The following TUBGCP5 variants were observed in gnomAD, a reference collection of about 807,000 sequenced individuals.
TUBGCP5 encodes the protein tubulin gamma complex component 5, also known as gamma-tubulin complex component 5.
A neutral mutation model predicts 134.7 loss-of-function variants in TUBGCP5; 98 were observed. The ratio of observed to expected loss-of-function variants is 0.73; its 90% CI spans 0.62 to 0.86. The LOEUF is 0.86. Ranked by LOEUF, TUBGCP5 falls within the 40% of genes least tolerant of loss-of-function variation. TUBGCP5 has a pLI of 0.00. For synonymous variants in TUBGCP5, 456 were observed against 431.4 expected, an observed-to-expected ratio of 1.06 and a Z score of -0.71; for missense variants, 1,150 against 1,244.8, an observed-to-expected ratio of 0.92 and a Z score of 1.15.
intron 23 of TUBGCP5, among the ~76,000 whole-genome samples, chr15:22,984,513 C>G (rs62009539): frequency 0.074 from 11,172 of 151,896 alleles, 478 homozygotes; most frequent in East Asian, 0.16. Flanking sequence ...CCAGCTACCC[C>G]GGGGGCTGAG....
At chr15:23,016,986 A>ATATATATATG (rs373904143) in intron 13 of TUBGCP5, among the ~76,000 whole-genome samples, 35 of 138,266 alleles carry the variant, frequency 2.5e-4, no homozygotes, top group South Asian at 4.7e-4. Flanking sequence ...ATATATATAT[A>ATATATATATG]TGTATATATC....
rs1415855464 is a variant in TUBGCP5, at chr15:23,013,483, C to G, written c.1757-2152G>C. Among the ~76,000 whole-genome samples the G allele has an allele frequency of 6.6e-6, 1 of 151,996 alleles. No homozygotes were observed. Among genetic ancestry groups the G allele is most frequent in the Non-Finnish European group, 1.5e-5 (1 of 67,966 alleles). On this transcript the variant is annotated intron_variant, in intron 13 of 22. Transcript: ENST00000615383. The surrounding 1 kb of genome is among the most constrained non-coding windows in gnomAD (Gnocchi z 4.5). The stretch of plus-strand genomic sequence containing the variant: ...TCCGACTGGAGTTGAAGGGCGAGTG[C>G]TGGAGTGCAGAGGGGGAATGTGACA...
At chr15:23,015,399 T>TG (rs148019435) in intron 13 of TUBGCP5, among the ~76,000 whole-genome samples, 4,913 of 143,698 alleles carry the variant, frequency 0.034, 280 homozygotes, top group African/African-American at 0.12. Context: ...CCCAATACTT[T>TG]GGGAGGCCGA....
At chr15:22,993,439 C>T (rs1485370025) in intron 23 of TUBGCP5, among the ~76,000 whole-genome samples, 1 of 150,976 alleles carries the variant, frequency 6.6e-6, no homozygotes, top group East Asian at 1.9e-4. Context: ...TACTCTGCCG[C>T]CCAGGCTGGA....
intron 23 of TUBGCP5, among the ~76,000 whole-genome samples, chr15:22,993,806 A>C (rs1168501459): frequency 6.6e-6 from 1 of 151,158 alleles, no homozygotes; most frequent in East Asian, 2.0e-4. Context: ...CGGCCTCCCA[A>C]AGTGTTGGGA....
rs1298563965 is a variant in TUBGCP5, at chr15:23,013,245, G to T, written c.1757-1914C>A. Among the ~76,000 whole-genome samples the T allele has an allele frequency of 1.3e-5, 2 of 151,902 alleles. No homozygotes were observed. Among genetic ancestry groups the T allele is most frequent in the African/African-American group, 2.4e-5 (1 of 41,346 alleles). ...AGGCGGGCGGATCATGAGGTCAGGG[G>T]ATCGAGACCATACTGGCTAGTATGG... On this transcript the variant is annotated intron_variant, in intron 13 of 22. Coordinates refer to ENST00000615383, the MANE Select transcript of TUBGCP5 (RefSeq NM_052903.6). This position sits in a 1 kb window ranked among gnomAD's most constrained non-coding sequence, Gnocchi z 4.5.
intron 12 of TUBGCP5, 139 bp downstream of exon 12, chr15:23,019,080 T>G: frequency 1.8e-6 from 1 of 551,158 alleles, no homozygotes. Flanking sequence ...AGATAGAACT[T>G]GCCTATGATG....
intron 23 of TUBGCP5, among the ~76,000 whole-genome samples, chr15:22,990,509 T>C (rs1262462728): frequency 6.6e-6 from 1 of 151,990 alleles, no homozygotes; most frequent in East Asian, 1.9e-4. Flanking sequence ...GAAAAACAAA[T>C]ACCAGCAGAA....
At chr15:23,037,173 T>C (rs1825333933) in intron 1 of TUBGCP5, 21 bp from the exon 2 acceptor site, 3 of 1,610,772 alleles carry the variant, frequency 1.9e-6, no homozygotes, top group Non-Finnish European at 1.7e-6. Context: ...CAAAATGCAA[T>C]TCTTATGCCA....
intron 4 of TUBGCP5, among the ~76,000 whole-genome samples, chr15:23,032,404 A>G (rs968857064): frequency 2.6e-5 from 4 of 152,162 alleles, no homozygotes; most frequent in African/African-American, 9.7e-5. Context: ...TAATCTCTAG[A>G]TTACTTATAA....
intron 16 of TUBGCP5, among the ~76,000 whole-genome samples, chr15:23,007,358 C>A (rs1333356540): frequency 6.6e-6 from 1 of 152,160 alleles, no homozygotes; most frequent in African/African-American, 2.4e-5. Flanking sequence ...CCACTGCACT[C>A]CAGCCTGGGT....
Position 23,037,129 on chromosome 15 carries a change from T to C in TUBGCP5, c.170A>G (p.Asn57Ser), listed in dbSNP as rs750429373. The change falls in exon 2 of 23, where the codon AAC (asparagine) becomes AGC (serine). Residue 57 changes from asparagine to serine, a missense_variant. Physicochemically the swap from Asn to Ser is conservative, Grantham distance 46. This residue lies in a region of TUBGCP5 where 453 missense variants were observed against 394.7 expected (regional missense o/e 1.15). Transcript: ENST00000615383. Reference sequence around the variant, plus strand: ...GATTGTTTTTTCTATTTTGTGGCTGTTGACATCCAAGAAACGATGAAATCT... The same window carrying C: ...GATTGTTTTTTCTATTTTGTGGCTGCTGACATCCAAGAAACGATGAAATCT... ...NFRFHRFLDV[N>S]SHKIEKTIEG... 230 of 1,613,220 alleles carry C rather than the reference T, an allele frequency of 1.4e-4. 1 individual carries two copies. Among genetic ancestry groups the C allele is most frequent in the Non-Finnish European group, 1.8e-4 (212 of 1,179,924 alleles).
In TUBGCP5 at chr15:23,022,114, A is replaced by C; in HGVS notation, c.1216T>G (p.Leu406Val). 1 of 1,614,212 alleles carries C rather than the reference A, an allele frequency of 6.2e-7. No individual in the cohort carries two copies. Among genetic ancestry groups the C allele is most frequent in the East Asian group, 2.2e-5 (1 of 44,888 alleles). ...TTGTGCAGAACCTTGAGCTGAGACA[A>C]TCGAGGTGCCAACTTGTCCACCACT... ...AIVVDKLAPR[L>V]SQLKVLHKVF... The change falls in exon 11 of 23, where the codon TTG becomes GTG. Residue 406 changes from leucine to valine, a missense_variant. Physicochemically the swap from Leu to Val is conservative, Grantham distance 32. Around this residue, in one of 2 missense-constraint regions of TUBGCP5, gnomAD observed 697 missense variants for 850.1 expected, o/e 0.82. Coordinates refer to ENST00000615383, the MANE Select transcript of TUBGCP5 (RefSeq NM_052903.6).
rs570580157 is a variant in TUBGCP5, at chr15:23,012,121, A to G, written c.1757-790T>C. Among the ~76,000 whole-genome samples, 532 of 151,616 alleles carry G rather than the reference A, an allele frequency of 3.5e-3. 5 individuals are homozygous for G. Among genetic ancestry groups the G allele is most frequent in the African/African-American group, 0.011 (467 of 41,326 alleles). ...ATAGGAGTGAAACCTGACTCAAAAA[A>G]AAAAAAAAAAAAAGAGTAAGATCCT... is the stretch of plus-strand genomic sequence containing the variant. On this transcript the variant is annotated intron_variant, in intron 13 of 22. Transcript: ENST00000615383.
chr15:22,994,845 T>C (rs959585243), downstream of TUBGCP5, among the ~76,000 whole-genome samples: 5 of 152,164 alleles, frequency 3.3e-5, no homozygotes, highest in Admixed American at 3.3e-4. Context: ...CTGGGCACGG[T>C]GGCTCACGCC....
chr15:23,018,254 A>T (rs2065457596), intron 12 of TUBGCP5, among the ~76,000 whole-genome samples: 1 of 152,218 alleles, frequency 6.6e-6, no homozygotes, highest in African/African-American at 2.4e-5. Flanking sequence ...ATTTAAGTAG[A>T]AATAGTTTCC....
rs537305857 is a variant in TUBGCP5, at chr15:23,006,966, C to T, written c.2328-614G>A. 1.4e-3 allele frequency among the ~76,000 whole-genome samples: 210 copies of T among 152,216 alleles called. 1 individual carries two copies. The highest frequency in any genetic ancestry group is 4.4e-3 in the African/African-American group (184 of 41,530). On this transcript the variant is annotated intron_variant, in intron 16 of 22. Coordinates refer to ENST00000615383, the MANE Select transcript of TUBGCP5 (RefSeq NM_052903.6). ...ATCAGTGGTTCCTGAGAAATGATGTCCTCTTCCACAGTCACAGAGGCACTA... is the reference window on the plus strand; with the variant it reads ...ATCAGTGGTTCCTGAGAAATGATGTTCTCTTCCACAGTCACAGAGGCACTA...
At position 23,032,077 on chromosome 15, in the gene TUBGCP5, GA is replaced by G. The variant is rs1267465299; in HGVS notation, c.407-49del. 17 of 1,412,078 alleles carry G rather than the reference GA, an allele frequency of 1.2e-5. 1 individual carries two copies. Among genetic ancestry groups the G allele is most frequent in the Admixed American group, 8.1e-5 (4 of 49,632 alleles). 87.5% of individuals were successfully genotyped at this position (1,412,078 alleles called of 1,614,324 possible). A position where few individuals can be genotyped will look rare whatever the true frequency, so the allele number is the denominator to read the frequency against. ...CATTGGCTTTATTATATCTATCTTT[GA>G]AAAAAAACCTCAAAACTAAGGAAAA... On this transcript the variant is annotated intron_variant, in intron 4 of 22. Coordinates refer to ENST00000615383, the MANE Select transcript of TUBGCP5 (RefSeq NM_052903.6).
chr15:22,995,615 A>T (rs906597151), downstream of TUBGCP5, among the ~76,000 whole-genome samples: 1 of 151,966 alleles, frequency 6.6e-6, no homozygotes, highest in African/African-American at 2.4e-5. Context: ...AAAAACCCAA[A>T]TTGGCTGTAC....
Sources: allele counts gnomAD v4.1 joint callset (sites outside exome capture counted in the v4.1 genomes callset), GRCh38; gene constraint gnomAD v4.1.1; regional missense constraint gnomAD v4.1.1; non-coding constraint Gnocchi (gnomAD v3.1); transcripts MANE v1.5; gene names NCBI Gene and HGNC (gene_info 2026-07-23, HGNC 2026-07-21).